The following LIMA1 variants were observed in gnomAD, a reference collection of about 807,000 sequenced individuals.
LIMA1 encodes the protein LIM domain and actin-binding protein 1.
In LIMA1, 52 loss-of-function variants were observed where a neutral mutation model predicts 62.6. The ratio of observed to expected loss-of-function variants is 0.83; its 90% CI spans 0.67 to 1.05. The LOEUF (loss-of-function observed/expected upper bound fraction) is 1.05, where lower values mean the gene tolerates loss of function less well. Ranked by LOEUF, LIMA1 falls within the 50% of genes least tolerant of loss-of-function variation. The pLI is 0.00. For missense variants in LIMA1, 780 were observed against 902.2 expected, an observed-to-expected ratio of 0.86 and a Z score of 1.74; for synonymous variants, 302 against 317.8, an observed-to-expected ratio of 0.95 and a Z score of 0.53.
intron 1 of LIMA1, among the ~76,000 whole-genome samples, chr12:50,267,109 G>A (rs774396028): frequency 1.3e-5 from 2 of 151,174 alleles, no homozygotes; most frequent in African/African-American, 4.9e-5. Context: ...TAGCTCTGTC[G>A]CCCAGGCTGG....
chr12:50,192,592 C>T, intron 8 of LIMA1, 31 bp from the exon 9 acceptor site: 1 of 1,503,226 alleles, frequency 6.7e-7, no homozygotes. Context: ...AGACATTTTA[C>T]AGTATCTCAT....
intron 4 of LIMA1, among the ~76,000 whole-genome samples, chr12:50,206,325 G>A (rs1941152719): frequency 6.6e-6 from 1 of 152,056 alleles, no homozygotes; most frequent in African/African-American, 2.4e-5. Flanking sequence ...ACTTATTGGA[G>A]GGGAATCCTC....
intron 4 of LIMA1, among the ~76,000 whole-genome samples, chr12:50,215,130 C>T (rs921880164): frequency 1.1e-4 from 17 of 152,206 alleles, no homozygotes; most frequent in African/African-American, 4.1e-4. Context: ...GGTTGCCTTA[C>T]TCTCTAAAGA....
intron 9 of LIMA1, chr12:50,188,963 A>G (rs1940691797): frequency 6.6e-6 from 1 of 152,218 alleles, no homozygotes. Flanking sequence ...TCTAGGCAGC[A>G]TTGCTGTCAG....
intron 2 of LIMA1, among the ~76,000 whole-genome samples, chr12:50,247,628 T>TATTATTATTATTATC (rs1235866062): frequency 2.7e-5 from 4 of 148,236 alleles, no homozygotes; most frequent in African/African-American, 9.9e-5. Context: ...TTATTATTAT[T>TATTATTATTATTATC]ATTATTATTA....
At chr12:50,279,929 C>G (rs1159065498) in intron 1 of LIMA1, among the ~76,000 whole-genome samples, 1 of 151,918 alleles carries the variant, frequency 6.6e-6, no homozygotes, top group African/African-American at 2.4e-5. Context: ...CTAAGTAAAG[C>G]GGATATTGGG....
intron 1 of LIMA1, among the ~76,000 whole-genome samples, chr12:50,268,336 T>A (rs1271196262): frequency 6.6e-6 from 1 of 152,132 alleles, no homozygotes; most frequent in East Asian, 1.9e-4. Context: ...TGCTTTCAGA[T>A]AAGGGTGGTA....
chr12:50,261,042 A>ATATATATTTTTTTTT (rs1383547189), intron 1 of LIMA1, among the ~76,000 whole-genome samples: 1 of 54,292 alleles, frequency 1.8e-5, no homozygotes, highest in African/African-American at 7.2e-5. Context: ...CATCTAGTAT[A>ATATATATTTTTTTTT]TTTTTTTTTT....
Position 50,177,531 on chromosome 12 carries a change from GGC to G in LIMA1, c.1811_1812del (p.Ser604ThrfsTer19). On this transcript the variant is annotated frameshift_variant, in exon 11 of 11. Transcript: ENST00000341247. LOFTEE classifies it low-confidence loss of function (END_TRUNC). ...AASFQSTSVK[S>X]PKTVSPPIRK... ...CTGATAGGTGGGGACACAGTTTTTGGGCTCTTGACAGAGGTGCTTTGAAATGA... is the reference window on the plus strand; with the variant it reads ...CTGATAGGTGGGGACACAGTTTTTGGTCTTGACAGAGGTGCTTTGAAATGA... The G allele has an allele frequency of 6.2e-7, 1 of 1,611,228 alleles. No homozygotes were observed. Among genetic ancestry groups the G allele is most frequent in the Non-Finnish European group, 8.5e-7 (1 of 1,178,962 alleles).
At chr12:50,227,941 G>A (rs889438774) in intron 3 of LIMA1, among the ~76,000 whole-genome samples, 6 of 150,476 alleles carry the variant, frequency 4.0e-5, no homozygotes, top group Non-Finnish European at 5.9e-5. Flanking sequence ...CTCACTGCAA[G>A]CTCCGCCTCC....
At position 50,177,022 on chromosome 12, in the gene LIMA1, T is replaced by A. The variant is rs754509271; in HGVS notation, c.*42A>T. 6.8e-7 allele frequency: 1 copy of A among 1,472,090 alleles called. No individual in the cohort carries two copies. Among genetic ancestry groups the A allele is most frequent in the East Asian group, 2.4e-5 (1 of 42,328 alleles). The allele number at this position is 1,472,090 out of a possible 1,614,324, so 91.2% of individuals were successfully genotyped here. On this transcript the variant is annotated 3_prime_UTR_variant, in exon 11 of 11. Transcript: ENST00000341247. Reference sequence around the variant, plus strand: ...ATTTTGACAAAGGGCAGTGGCTCGCTAACACTAACATGAATTTAAGGCCCA... The same window carrying A: ...ATTTTGACAAAGGGCAGTGGCTCGCAAACACTAACATGAATTTAAGGCCCA...
intron 1 of LIMA1, among the ~76,000 whole-genome samples, chr12:50,279,286 T>C (rs1942310942): frequency 6.6e-6 from 1 of 151,032 alleles, no homozygotes; most frequent in Non-Finnish European, 1.5e-5. Context: ...ATTACAGGCA[T>C]GAGCCATCAC....
chr12:50,234,299 C>T (rs955237760), intron 2 of LIMA1: 2 of 328,970 alleles, frequency 6.1e-6, no homozygotes, highest in African/African-American at 4.6e-5. Flanking sequence ...ACCTCCGCTT[C>T]CTGGGTTCAA....
intron 2 of LIMA1, 101 bp downstream of exon 2, chr12:50,248,532 T>A (rs1941883074): frequency 2.6e-6 from 2 of 759,658 alleles, no homozygotes; most frequent in Non-Finnish European, 4.6e-6. Flanking sequence ...AGGCGCCCAA[T>A]AAAATTATTT....
chr12:50,240,061 A>ATAACATAACATAAC (rs1454888061), intron 2 of LIMA1, among the ~76,000 whole-genome samples: 147 of 121,546 alleles, frequency 1.2e-3, no homozygotes, highest in African/African-American at 4.2e-3. Context: ...CATAACATAA[A>ATAACATAACATAAC]ATAAAAAATT....
At chr12:50,243,862 G>T (rs774106920) in intron 2 of LIMA1, among the ~76,000 whole-genome samples, 6 of 151,850 alleles carry the variant, frequency 4.0e-5, no homozygotes, top group Non-Finnish European at 5.9e-5. Flanking sequence ...GAGGGGTAAA[G>T]CCCCTTCCTC....
intron 1 of LIMA1, among the ~76,000 whole-genome samples, chr12:50,281,501 A>G (rs557226243): frequency 1.3e-5 from 2 of 152,286 alleles, no homozygotes; most frequent in East Asian, 3.9e-4. Flanking sequence ...TGAGTGTACC[A>G]AGTTAAAGAA....
intron 2 of LIMA1, among the ~76,000 whole-genome samples, chr12:50,240,314 T>G (rs567788126): frequency 6.6e-6 from 1 of 152,142 alleles, no homozygotes; most frequent in Non-Finnish European, 1.5e-5. Context: ...GGATGGGCCA[T>G]GCAGGTAATG....
In LIMA1 at chr12:50,261,499, G is replaced by A. The variant is rs570576090; in HGVS notation, c.-23-12725C>T. On this transcript the variant is annotated intron_variant, in intron 1 of 10. Transcript: ENST00000341247. Reference sequence around the variant, plus strand: ...ATTCTCTGAGCACACTACTCCCCCCGAGGACACTGCTACCCTCTGTCTGAA... The same window carrying A: ...ATTCTCTGAGCACACTACTCCCCCCAAGGACACTGCTACCCTCTGTCTGAA... 5.9e-5 allele frequency among the ~76,000 whole-genome samples: 9 copies of A among 152,016 alleles called. No homozygotes were observed. The Middle Eastern group carries it at 0.01, about 172-fold the overall frequency.
Sources: allele counts gnomAD v4.1 joint callset (sites outside exome capture counted in the v4.1 genomes callset), GRCh38; gene constraint gnomAD v4.1.1; transcripts MANE v1.5; gene names NCBI Gene and HGNC (gene_info 2026-07-23, HGNC 2026-07-21).